The following NCEH1 variants were observed in gnomAD, a reference collection of about 807,000 sequenced individuals.
NCEH1 encodes 2-acetyl MAGE hydrolase.
In NCEH1, 9 loss-of-function variants were observed where a neutral mutation model predicts 25.4. The ratio of observed to expected loss-of-function variants is 0.35; its 90% CI spans 0.21 to 0.62. The LOEUF (loss-of-function observed/expected upper bound fraction) is 0.62. Ranked by LOEUF, NCEH1 falls within the 20% of genes least tolerant of loss-of-function variation. NCEH1 has a pLI of 0.72. For synonymous variants in NCEH1, 200 were observed against 199.8 expected (o/e 1.00, Z -0.01); for missense variants, 412 against 501.1 (o/e 0.82, Z 1.70).
chr3:172,664,206 C>A (rs1483257633), intron 1 of NCEH1, among the ~76,000 whole-genome samples: 1 of 152,126 alleles, frequency 6.6e-6, no homozygotes, highest in Non-Finnish European at 1.5e-5. Context: ...TTTTATTTCT[C>A]CTTCACTTAT....
At chr3:172,692,967 T>C (rs1713150796) in intron 1 of NCEH1, among the ~76,000 whole-genome samples, 1 of 152,144 alleles carries the variant, frequency 6.6e-6, no homozygotes, top group South Asian at 2.1e-4. Flanking sequence ...ATTGAAAGAG[T>C]GCTACTTCTC....
intron 1 of NCEH1, among the ~76,000 whole-genome samples, chr3:172,697,315 A>T (rs969403464): frequency 6.6e-6 from 1 of 152,158 alleles, no homozygotes; most frequent in African/African-American, 2.4e-5. Flanking sequence ...GCCAAAACCC[A>T]ATTCAACATA....
chr3:172,696,424 G>A (rs979365370), intron 1 of NCEH1, among the ~76,000 whole-genome samples: 1 of 152,142 alleles, frequency 6.6e-6, no homozygotes, highest in Non-Finnish European at 1.5e-5. Context: ...AATCAGATTT[G>A]GACTAAATAT....
At chr3:172,656,358 A>G (rs745652647) in intron 1 of NCEH1, among the ~76,000 whole-genome samples, 11 of 152,218 alleles carry the variant, frequency 7.2e-5, no homozygotes. Context: ...AGCAGATGGA[A>G]GGGAGAATTC....
chr3:172,684,282 G>A (rs556376445), intron 1 of NCEH1, among the ~76,000 whole-genome samples: 2 of 152,296 alleles, frequency 1.3e-5, no homozygotes, highest in South Asian at 4.1e-4. Flanking sequence ...GCTTGAGAAA[G>A]AAATACACTG....
Position 172,633,688 on chromosome 3 carries a change from T to C in NCEH1, c.1014A>G (p.Pro338=), listed in dbSNP as rs921090649. The change falls in exon 5 of 5, where the codon CCA becomes CCG. Residue 338 remains proline (P), a synonymous_variant. Coordinates refer to ENST00000475381, the MANE Select transcript of NCEH1 (RefSeq NM_020792.6). ...GCTCACACGTCAGAATGTAGGTCTT[T>C]GGGAGGAGCTGCAGCACTGCCTGGT... ...IADQAVLQLL[P]KTYILTCEHD... is the part of the protein sequence containing the mutation. 6.2e-7 allele frequency: 1 copy of C among 1,614,192 alleles called. No homozygotes were observed. Among genetic ancestry groups the C allele is most frequent in the Non-Finnish European group, 8.5e-7 (1 of 1,180,030 alleles).
intron 1 of NCEH1, among the ~76,000 whole-genome samples, chr3:172,650,371 C>A (rs746249760): frequency 6.6e-6 from 1 of 151,882 alleles, no homozygotes; most frequent in Non-Finnish European, 1.5e-5. Flanking sequence ...GGACCGGGTG[C>A]GGTGGCTCAC....
chr3:172,690,539 ACAGC>A (rs2108528114), intron 1 of NCEH1, among the ~76,000 whole-genome samples: 1 of 152,368 alleles, frequency 6.6e-6, no homozygotes, highest in South Asian at 2.1e-4. Context: ...AAAAATATTT[ACAGC>A]CTTTGATCTA....
chr3:172,677,385 G>A (rs894010419), intron 1 of NCEH1, among the ~76,000 whole-genome samples: 3 of 152,172 alleles, frequency 2.0e-5, no homozygotes, highest in African/African-American at 7.2e-5. Flanking sequence ...AATAAATTAA[G>A]TACCCTTTTG....
intron 1 of NCEH1, among the ~76,000 whole-genome samples, chr3:172,667,071 C>T (rs935067574): frequency 2.6e-5 from 4 of 152,198 alleles, no homozygotes; most frequent in Admixed American, 6.5e-5. Context: ...CTGTACACTG[C>T]AATCTCCTTT....
At chr3:172,704,205 C>T (rs1378405422) in intron 1 of NCEH1, among the ~76,000 whole-genome samples, 1 of 152,140 alleles carries the variant, frequency 6.6e-6, no homozygotes, top group African/African-American at 2.4e-5. Flanking sequence ...GGTGAGGTGA[C>T]ATTAAATCTC....
chr3:172,689,670 C>T (rs1712918341), intron 1 of NCEH1, among the ~76,000 whole-genome samples: 1 of 147,116 alleles, frequency 6.8e-6, no homozygotes. Flanking sequence ...GAGATTGTAC[C>T]ACTGCACTCC....
At chr3:172,651,515 G>A (rs1717403594) in intron 1 of NCEH1, among the ~76,000 whole-genome samples, 1 of 151,686 alleles carries the variant, frequency 6.6e-6, no homozygotes, top group African/African-American at 2.4e-5. Flanking sequence ...AGAAACGGGA[G>A]TTCCTTCCTT....
rs1296267593 is a variant in NCEH1 at position 172,694,384 on chromosome 3, GTGTGTGTGTC to G, written c.138+16453_138+16462del. ...TGGGGAAAGAGTTATATATATGTGT[GTGTGTGTGTC>G]TGTGTGTGTGTGTGTGTGTGTATGT... On this transcript the variant is annotated intron_variant, in intron 1 of 4. Transcript: ENST00000475381. Among the ~76,000 whole-genome samples, 199 of 148,740 alleles carry G rather than the reference GTGTGTGTGTC, an allele frequency of 1.3e-3. 1 individual carries two copies. Among genetic ancestry groups the G allele is most frequent in the African/African-American group, 4.9e-3 (188 of 38,454 alleles).
intron 1 of NCEH1, among the ~76,000 whole-genome samples, chr3:172,673,285 T>G (rs1183592083): frequency 3.3e-5 from 5 of 152,188 alleles, no homozygotes; most frequent in Non-Finnish European, 7.4e-5. Flanking sequence ...TAGGAAATAA[T>G]TTAACTGTTT....
At chr3:172,650,518 G>A (rs974879083) in intron 1 of NCEH1, among the ~76,000 whole-genome samples, 17 of 151,664 alleles carry the variant, frequency 1.1e-4, no homozygotes, top group Admixed American at 5.2e-4. Context: ...GCATGGTGGC[G>A]GGCGCCTGTA....
chr3:172,636,172 A>C, intron 3 of NCEH1, 85 bp from the exon 4 acceptor site: 1 of 777,714 alleles, frequency 1.3e-6, no homozygotes, highest in Non-Finnish European at 2.1e-6. Context: ...GGTTCTTTTA[A>C]ATCTGGAAAT....
At position 172,685,520 on chromosome 3, in the gene NCEH1, T is replaced by C. The variant is rs143609434; in HGVS notation, c.138+25327A>G. Among the ~76,000 whole-genome samples, 292 of 152,254 alleles carry C rather than the reference T, an allele frequency of 1.9e-3. 1 individual carries two copies. Among genetic ancestry groups the C allele is most frequent in the African/African-American group, 6.9e-3 (286 of 41,548 alleles). Reference sequence around the variant, plus strand: ...GGAAACTGATGCCCAGAGAGATGAGTGACAAGCTCTGAGTCACCCAGTTAC... The same window carrying C: ...GGAAACTGATGCCCAGAGAGATGAGCGACAAGCTCTGAGTCACCCAGTTAC... On this transcript the variant is annotated intron_variant, in intron 1 of 4. Transcript: ENST00000475381.
chr3:172,692,023 C>T (rs1188284617), intron 1 of NCEH1, among the ~76,000 whole-genome samples: 1 of 149,656 alleles, frequency 6.7e-6, no homozygotes, highest in East Asian at 2.0e-4. Context: ...GAGAGGGAAA[C>T]CAGACTGGGT....
Sources: gnomAD v4.1 joint callset for allele counts (sites outside exome capture counted in the v4.1 genomes callset) on GRCh38, gnomAD v4.1.1 for gene constraint, MANE v1.5 for transcripts, NCBI Gene and HGNC (gene_info 2026-07-23, HGNC 2026-07-21) for gene names.